Variants in CIITA observed in about 807,000 individuals in gnomAD.
The protein encoded by CIITA is MHC class II transactivator.
CIITA carries 72 observed loss-of-function variants against 115.1 expected under a neutral mutation model. The observed-to-expected ratio is 0.63, with a 90% confidence interval of 0.52 to 0.76. The LOEUF is 0.76. Among genes scored for constraint, CIITA ranks in the 30% least tolerant of loss-of-function variants. CIITA has a pLI of 0.00. For missense variants in CIITA, 1,617 were observed against 1,463.8 expected (o/e 1.10, Z -1.71); for synonymous variants, 763 against 635.6 (o/e 1.20, Z -3.02).
intron 11 of CIITA, 62 bp from the exon 12 acceptor site, chr16:10,908,967 C>G: frequency 1.2e-6 from 2 of 1,610,242 alleles, no homozygotes. Flanking sequence ...CTTCATGGAG[C>G]TGCCCTTCCA....
Position 10,929,343 on chromosome 16 carries a change from T to G in CIITA, c.*5488T>G. The G allele has an allele frequency of 3.0e-6, 3 of 985,970 alleles. No homozygotes were observed. Among genetic ancestry groups the G allele is most frequent in the South Asian group, 4.7e-5 (1 of 21,292 alleles). 61.1% of individuals were successfully genotyped at this position (985,970 alleles called of 1,614,324 possible). ...GGGAGGCAAACTCTGGCTGGGTTCC[T>G]GTAAACATCCATCGCAGCTGCAAAT... On this transcript the variant is annotated 3_prime_UTR_variant, in exon 20 of 20. Coordinates refer to ENST00000324288, the MANE Select transcript of CIITA (RefSeq NM_000246.4). The surrounding 1 kb of genome is among the most constrained non-coding windows in gnomAD (Gnocchi z 4.3).
chr16:10,872,919 A>T (rs774700731), upstream of CIITA, among the ~76,000 whole-genome samples: 6 of 152,234 alleles, frequency 3.9e-5, no homozygotes, highest in Non-Finnish European at 8.8e-5. Context: ...ATTCAAATCT[A>T]AAACTCCATT....
intron 8 of CIITA, 108 bp downstream of exon 8, chr16:10,902,909 C>T: frequency 7.7e-7 from 1 of 1,292,180 alleles, no homozygotes; most frequent in South Asian, 1.2e-5. Context: ...CTAGCACCTT[C>T]TCATGATCCT....
rs747792368 is a variant in CIITA, at chr16:10,941,901, G to A, written n.1027G>A. The A allele has an allele frequency of 3.1e-6, 5 of 1,608,920 alleles. No homozygotes were observed. The highest frequency in any genetic ancestry group is 1.1e-5 in the South Asian group (1 of 90,560). On this transcript the variant is annotated non_coding_transcript_exon_variant, in exon 2 of 2. Transcript: ENST00000573379. The surrounding 1 kb of genome is among the most constrained non-coding windows in gnomAD (Gnocchi z 6.4). ...CGTAGTACAGGATCAGCACATTGACGAAGAACAGGCCCACGTAGAACATAG... is the reference window on the plus strand; with the variant it reads ...CGTAGTACAGGATCAGCACATTGACAAAGAACAGGCCCACGTAGAACATAG...
At chr16:10,878,191 C>T (rs2036028909) in intron 1 of CIITA, among the ~76,000 whole-genome samples, 1 of 152,120 alleles carries the variant, frequency 6.6e-6, no homozygotes, top group Admixed American at 6.6e-5. Context: ...GGGGTGGTAT[C>T]CCTTTTCTCA....
intron 16 of CIITA, 63 bp downstream of exon 16, chr16:10,918,589 C>G: frequency 6.9e-7 from 1 of 1,443,294 alleles, no homozygotes; most frequent in Admixed American, 1.7e-5. Context: ...GCAGGGAACC[C>G]ACATCGTGCT....
rs896924856 is a variant in CIITA, at chr16:10,925,348, C to T, written c.*1493C>T. 2 of 152,310 alleles carry T rather than the reference C, an allele frequency of 1.3e-5. No homozygotes were observed. Among genetic ancestry groups the T allele is most frequent in the African/African-American group, 4.8e-5 (2 of 41,468 alleles). The allele number at this position is 152,310 out of a possible 1,614,324, so 9.4% of individuals were successfully genotyped here. A position where few individuals can be genotyped will look rare whatever the true frequency, so the allele number is the denominator to read the frequency against. On this transcript the variant is annotated 3_prime_UTR_variant, in exon 20 of 20. Coordinates refer to ENST00000324288, the MANE Select transcript of CIITA (RefSeq NM_000246.4). ...TAAGAGGCAGGGTCTCACTCTGTCGCCCAGTCTGGAATGCAGTGGTATGAT... is the reference window on the plus strand; with the variant it reads ...TAAGAGGCAGGGTCTCACTCTGTCGTCCAGTCTGGAATGCAGTGGTATGAT...
At chr16:10,892,364 T>A (rs1205749173) in intron 1 of CIITA, among the ~76,000 whole-genome samples, 1 of 150,736 alleles carries the variant, frequency 6.6e-6, no homozygotes, top group East Asian at 1.9e-4. Flanking sequence ...AGGAATGGGG[T>A]GGCAAGTTGA....
chr16:10,919,201 T>G (rs2040133852), intron 16 of CIITA, among the ~76,000 whole-genome samples: 1 of 152,182 alleles, frequency 6.6e-6, no homozygotes, highest in Non-Finnish European at 1.5e-5. Context: ...ATTTTTTTAA[T>G]TTCTGTTTTT....
rs1013234899 is a variant in CIITA, at chr16:10,878,068, G to A, written c.52+686G>A. ...GTACAATGGACCTGTGGGAAAGCCT[G>A]TATGAAAGGGTAATGATGAGGGACC... On this transcript the variant is annotated intron_variant, in intron 1 of 19. Coordinates refer to ENST00000324288, the MANE Select transcript of CIITA (RefSeq NM_000246.4). 4.6e-5 allele frequency among the ~76,000 whole-genome samples: 7 copies of A among 152,296 alleles called. No homozygotes were observed. In the South Asian group the frequency reaches 8.3e-4, roughly 18 times the overall value.
chr16:10,919,809 AC>A (rs2040174944), intron 16 of CIITA, among the ~76,000 whole-genome samples: 1 of 152,214 alleles, frequency 6.6e-6, no homozygotes, highest in Non-Finnish European at 1.5e-5. Flanking sequence ...ACAAGTATGA[AC>A]TAGACAGATG....
chr16:10,913,227 C>A (rs536712292), intron 13 of CIITA, among the ~76,000 whole-genome samples: 1 of 152,284 alleles, frequency 6.6e-6, no homozygotes, highest in East Asian at 1.9e-4. Flanking sequence ...CTCAGTGAGG[C>A]CTTTTCTTTT....
At chr16:10,905,803 T>G (rs2039106080) in intron 10 of CIITA, among the ~76,000 whole-genome samples, 1 of 150,674 alleles carries the variant, frequency 6.6e-6, no homozygotes, top group Non-Finnish European at 1.5e-5. Flanking sequence ...AGTGGACACT[T>G]AAACAAGAGA....
At chr16:10,890,842 G>A (rs182955959) in intron 1 of CIITA, among the ~76,000 whole-genome samples, 80 of 152,268 alleles carry the variant, frequency 5.3e-4, no homozygotes, top group Admixed American at 3.8e-3. Context: ...TAAGGGCTCC[G>A]CGTGACTTAA....
chr16:10,910,744 C>G (rs1394798087), intron 13 of CIITA, among the ~76,000 whole-genome samples: 1 of 152,178 alleles, frequency 6.6e-6, no homozygotes, highest in Admixed American at 6.5e-5. Context: ...TAGGAGGATG[C>G]CACTATGACT....
chr16:10,938,275 G>A (rs964221998), downstream of CIITA: 1 of 151,886 alleles, frequency 6.6e-6, no homozygotes, highest in African/African-American at 2.4e-5. This position sits in a 1 kb window ranked among gnomAD's most constrained non-coding sequence, Gnocchi z 4.9. Flanking sequence ...TGAACCCAGG[G>A]CCCTGGCTCT....
intron 1 of CIITA, among the ~76,000 whole-genome samples, chr16:10,881,011 C>T (rs750299093): frequency 3.3e-5 from 5 of 152,200 alleles, no homozygotes; most frequent in Non-Finnish European, 7.4e-5. Flanking sequence ...CAGTGGTTCA[C>T]ACCTGTAATC....
chr16:10,877,702 C>T (rs563262397), intron 1 of CIITA, among the ~76,000 whole-genome samples: 1 of 152,324 alleles, frequency 6.6e-6, no homozygotes, highest in African/African-American at 2.4e-5. Flanking sequence ...GGTCTTCTCG[C>T]CTCCCTTTGG....
Position 10,941,618 on chromosome 16 carries a change from A to T in CIITA, n.744A>T. The stretch of plus-strand genomic sequence containing the variant: ...TCCTCCTGGGGAACCATCCCCGTCC[A>T]GATGGTGCCCCCAACCAGCTGCGGC... On this transcript the variant is annotated non_coding_transcript_exon_variant, in exon 2 of 2. Coordinates refer to the CIITA transcript ENST00000573379. The surrounding 1 kb of genome is among the most constrained non-coding windows in gnomAD (Gnocchi z 6.4). The T allele has an allele frequency of 2.0e-6, 3 of 1,511,920 alleles. No homozygotes were observed. Among genetic ancestry groups the T allele is most frequent in the Non-Finnish European group, 2.7e-6 (3 of 1,131,460 alleles). The allele number at this position is 1,511,920 out of a possible 1,614,324, so 93.7% of individuals were successfully genotyped here.
Sources: gnomAD v4.1 joint callset for allele counts (sites outside exome capture counted in the v4.1 genomes callset) on GRCh38, gnomAD v4.1.1 for gene constraint, Gnocchi (gnomAD v3.1) non-coding constraint, MANE v1.5 for transcripts, NCBI Gene and HGNC (gene_info 2026-07-23, HGNC 2026-07-21) for gene names.